The following MYO15B variants were observed in gnomAD, a reference collection of about 807,000 sequenced individuals.
The protein encoded by MYO15B is myosin XVB pseudogene.
A neutral mutation model predicts 119.3 loss-of-function variants in MYO15B; 207 were observed. The ratio of observed to expected loss-of-function variants is 1.73; its 90% CI spans 1.55 to 1.95. MYO15B has a LOEUF of 1.95. Among genes scored for constraint, MYO15B ranks in the 30% most tolerant of loss-of-function variants. The pLI is 0.00. For synonymous variants in MYO15B, 966 were observed against 498.9 expected, an observed-to-expected ratio of 1.94 and a Z score of -12.48; for missense variants, 2,264 against 1,203.1, an observed-to-expected ratio of 1.88 and a Z score of -13.04.
chr17:75,593,197 TAAA>T (rs5822094), intron 9 of MYO15B, among the ~76,000 whole-genome samples: 42 of 74,220 alleles, frequency 5.7e-4, no homozygotes, highest in African/African-American at 1.5e-3. Flanking sequence ...CCGTCTCTAT[TAAA>T]AAAAAAAAAA....
chr17:75,608,896 G>A (rs2057823971), intron 21 of MYO15B, among the ~76,000 whole-genome samples: 2 of 152,122 alleles, frequency 1.3e-5, no homozygotes, highest in African/African-American at 4.8e-5. Context: ...ACCATGCTCA[G>A]CTAATTTTTG....
At chr17:75,594,868 C>T (rs1412131301) in exon 12 of MYO15B, 17 of 702,948 alleles carry the variant, frequency 2.4e-5, no homozygotes, top group Non-Finnish European at 3.1e-5. Context: ...ACTGTATTCC[C>T]GCCTCTTCCA....
chr17:75,626,608 C>T, exon 64 of MYO15B: 1 of 647,058 alleles, frequency 1.5e-6, no homozygotes, highest in Non-Finnish European at 2.8e-6. Context: ...GCCCAGCCGG[C>T]CCACATGCAG....
intron 14 of MYO15B, among the ~76,000 whole-genome samples, chr17:75,598,064 G>A (rs1334376238): frequency 6.6e-6 from 1 of 152,088 alleles, no homozygotes; most frequent in Non-Finnish European, 1.5e-5. Flanking sequence ...TGGAGCAGGA[G>A]TTTCTGTGGA....
At chr17:75,591,938 C>CT in intron 5 of MYO15B, 39 bp from the exon 6 acceptor site, 1 of 696,242 alleles carries the variant, frequency 1.4e-6, no homozygotes, top group South Asian at 1.5e-5. Context: ...GTGGGGGCTA[C>CT]TGCTGCCCAG....
chr17:75,601,160 C>T (rs1346802391), intron 14 of MYO15B, among the ~76,000 whole-genome samples: 2 of 151,850 alleles, frequency 1.3e-5, no homozygotes, highest in Non-Finnish European at 2.9e-5. Context: ...GTCTCGGCCT[C>T]CCAAAGTGCT....
At position 75,596,448 on chromosome 17, in the gene MYO15B, A is replaced by T; in HGVS notation, c.3298-12A>T. The T allele has an allele frequency of 1.4e-6, 1 of 702,988 alleles. No individual in the cohort carries two copies. Among genetic ancestry groups the T allele is most frequent in the South Asian group, 1.5e-5 (1 of 67,598 alleles). 43.5% of individuals were successfully genotyped at this position (702,988 alleles called of 1,614,324 possible). On this transcript the variant is annotated splice_polypyrimidine_tract_variant and intron_variant, in intron 12 of 63. Coordinates refer to ENST00000645453, the Ensembl canonical transcript of MYO15B. Reference sequence around the variant, plus strand: ...AGCCCCATGTGCCCACCTCACTGCCACATGCCCCCAGGCCCTGCGGGTGAA... The same window carrying T: ...AGCCCCATGTGCCCACCTCACTGCCTCATGCCCCCAGGCCCTGCGGGTGAA...
exon 46 of MYO15B, chr17:75,619,684 G>A (rs977449702): frequency 1.0e-5 from 7 of 702,732 alleles, no homozygotes; most frequent in East Asian, 2.7e-5. Flanking sequence ...CCTGTAGGGC[G>A]AGAGTGGCAG....
exon 64 of MYO15B, chr17:75,626,825 A>G (rs2059093524): frequency 8.9e-6 from 4 of 447,862 alleles, no homozygotes; most frequent in Non-Finnish European, 1.6e-5. Flanking sequence ...ACAGCTGCTG[A>G]GGAAATAAAA....
At chr17:75,590,508 A>G (rs2056369860) in intron 1 of MYO15B, 118 bp from the exon 2 acceptor site, 1 of 367,926 alleles carries the variant, frequency 2.7e-6, no homozygotes. Flanking sequence ...CCCCCATTTT[A>G]TGGATCAGGC....
chr17:75,621,923 G>T, intron 52 of MYO15B, 81 bp from the exon 53 acceptor site: 1 of 682,056 alleles, frequency 1.5e-6, no homozygotes, highest in Non-Finnish European at 2.7e-6. Context: ...GCAGGTGAAG[G>T]CCCTGCACAG....
rs116598887 is a variant in MYO15B, at chr17:75,619,481, G to C, written c.7182+5G>C. 2.6e-5 allele frequency: 18 copies of C among 701,772 alleles called. No individual in the cohort carries two copies. The highest frequency in any genetic ancestry group is 5.9e-5 in the South Asian group (4 of 67,466). 43.5% of individuals were successfully genotyped at this position (701,772 alleles called of 1,614,324 possible). On this transcript the variant is annotated splice_donor_5th_base_variant and intron_variant, in intron 45 of 63. Transcript: ENST00000645453. ...TCCCGCTTCTTTCCTGTCTCGGTCA[G>C]TGGCGCTGGGGTAGGGAGTAGGGAT...
intron 21 of MYO15B, chr17:75,607,230 C>A (rs1344172756): frequency 2.9e-6 from 1 of 350,654 alleles, no homozygotes. Context: ...ACTATTGCCC[C>A]CAAGACCCCC....
chr17:75,622,628 C>T (rs555524833), intron 53 of MYO15B, among the ~76,000 whole-genome samples: 50 of 152,200 alleles, frequency 3.3e-4, no homozygotes, highest in African/African-American at 1.1e-3. Flanking sequence ...CAGGGTCACT[C>T]GGCTGTTGTT....
chr17:75,596,011 C>CTG (rs1293811342), intron 12 of MYO15B, among the ~76,000 whole-genome samples: 2 of 152,178 alleles, frequency 1.3e-5, no homozygotes, highest in African/African-American at 2.4e-5. Context: ...ATCCAAGCTC[C>CTG]TGTGTGTGTG....
chr17:75,620,989 G>A (rs374886281), intron 49 of MYO15B, 42 bp from the exon 50 acceptor site: 1 of 702,922 alleles, frequency 1.4e-6, no homozygotes, highest in Admixed American at 2.0e-5. Context: ...CTGGGACAGG[G>A]CACTGGACAC....
At chr17:75,614,052 C>T in intron 29 of MYO15B, 147 bp from the exon 30 acceptor site, 1 of 614,576 alleles carries the variant, frequency 1.6e-6, no homozygotes, top group Admixed American at 2.6e-5. Flanking sequence ...GGGAGCAGCC[C>T]CCACTGCTGA....
chr17:75,608,421 C>T (rs1007005421), intron 21 of MYO15B, among the ~76,000 whole-genome samples: 7 of 151,896 alleles, frequency 4.6e-5, no homozygotes, highest in Non-Finnish European at 7.4e-5. Flanking sequence ...CTGCACCCGG[C>T]CTTTATTTTT....
Position 75,626,030 on chromosome 17 carries a change from T to C in MYO15B, c.9072+53T>C, listed in dbSNP as rs2059032537. The C allele has an allele frequency of 4.3e-6, 3 of 697,314 alleles. No homozygotes were observed. The Admixed American group carries it at 6.1e-5, about 14-fold the overall frequency. 43.2% of individuals were successfully genotyped at this position (697,314 alleles called of 1,614,324 possible). On this transcript the variant is annotated intron_variant, in intron 62 of 63. Transcript: ENST00000645453. ...GCCTAGGGACCCTTGGGCTGTTCCATCACCCACAATGACCCCTCCCCGGAG... is the reference window on the plus strand; with the variant it reads ...GCCTAGGGACCCTTGGGCTGTTCCACCACCCACAATGACCCCTCCCCGGAG...
Sources: allele counts gnomAD v4.1 joint callset (sites outside exome capture counted in the v4.1 genomes callset), GRCh38; gene constraint gnomAD v4.1.1; transcripts MANE v1.5; gene names NCBI Gene and HGNC (gene_info 2026-07-23, HGNC 2026-07-21).